Variants in CDYL2 observed in about 807,000 individuals in gnomAD.
CDYL2 encodes the protein chromodomain Y like 2, also known as chromodomain Y-like protein 2.
CDYL2 carries 23 observed loss-of-function variants against 49.4 expected under a neutral mutation model. That is an observed-to-expected ratio of 0.47 (90% CI 0.34 to 0.66). CDYL2 has a LOEUF of 0.66. Among genes scored for constraint, CDYL2 ranks in the 30% least tolerant of loss-of-function variants. The pLI, the probability that CDYL2 is intolerant of heterozygous loss-of-function variation, is 0.01. For missense variants in CDYL2, 678 were observed against 656.4 expected (o/e 1.03, Z -0.36); for synonymous variants, 360 against 268.8 (o/e 1.34, Z -3.32).
At chr16:80,791,457 G>C (rs776756168) in intron 1 of CDYL2, among the ~76,000 whole-genome samples, 1 of 152,218 alleles carries the variant, frequency 6.6e-6, no homozygotes, top group African/African-American at 2.4e-5. Flanking sequence ...GTAAGTGGGA[G>C]ATTTAGAAAA....
At chr16:80,622,042 T>C (rs1276225291) in intron 3 of CDYL2, among the ~76,000 whole-genome samples, 2 of 152,144 alleles carry the variant, frequency 1.3e-5, no homozygotes, top group South Asian at 2.1e-4. Context: ...GTAACACTAG[T>C]CCAAGGCCAC....
chr16:80,720,305 T>A (rs1451758007), intron 1 of CDYL2, among the ~76,000 whole-genome samples: 2 of 152,082 alleles, frequency 1.3e-5, no homozygotes, highest in African/African-American at 2.4e-5. Flanking sequence ...TGCCAGAACA[T>A]CAAGGAAGCA....
chr16:80,731,833 G>C (rs1229127108), intron 1 of CDYL2, among the ~76,000 whole-genome samples: 1 of 151,960 alleles, frequency 6.6e-6, no homozygotes, highest in Non-Finnish European at 1.5e-5. Context: ...ATCTACTTGA[G>C]GATGTGCTCC....
chr16:80,662,752 G>A, intron 2 of CDYL2: 1 of 455,776 alleles, frequency 2.2e-6, no homozygotes, highest in Non-Finnish European at 4.4e-6. Context: ...AACCACCTGT[G>A]GCTGATGGCT....
At chr16:80,651,917 G>C (rs1908600455) in intron 2 of CDYL2, among the ~76,000 whole-genome samples, 1 of 152,218 alleles carries the variant, frequency 6.6e-6, no homozygotes, top group African/African-American at 2.4e-5. Flanking sequence ...TTCACTGTGG[G>C]AGTTGGAGTT....
At chr16:80,721,051 C>T (rs1435600775) in intron 1 of CDYL2, among the ~76,000 whole-genome samples, 2 of 152,090 alleles carry the variant, frequency 1.3e-5, no homozygotes, top group African/African-American at 4.8e-5. Flanking sequence ...TCCGCCAAGA[C>T]CCCAGGAAAA....
At chr16:80,764,916 C>T (rs937023563) in intron 1 of CDYL2, among the ~76,000 whole-genome samples, 5 of 151,152 alleles carry the variant, frequency 3.3e-5, no homozygotes, top group Non-Finnish European at 5.9e-5. Context: ...AAAAATTAGC[C>T]GGGTGCAGTG....
chr16:80,680,785 T>C (rs147852561), intron 2 of CDYL2, among the ~76,000 whole-genome samples: 63 of 152,292 alleles, frequency 4.1e-4, no homozygotes, highest in African/African-American at 1.5e-3. Context: ...ACACATCTGC[T>C]GGAGCTCCTG....
intron 1 of CDYL2, among the ~76,000 whole-genome samples, chr16:80,789,658 A>C (rs1230704921): frequency 6.6e-6 from 1 of 152,220 alleles, no homozygotes; most frequent in South Asian, 2.1e-4. Flanking sequence ...GAGCAAAGTC[A>C]TGAAACCAAT....
At chr16:80,772,872 T>G (rs1301508650) in intron 1 of CDYL2, among the ~76,000 whole-genome samples, 1 of 152,008 alleles carries the variant, frequency 6.6e-6, no homozygotes, top group Non-Finnish European at 1.5e-5. Context: ...CAATAAAAAG[T>G]AAGGCATGAA....
At chr16:80,768,154 T>C (rs1906787923) in intron 1 of CDYL2, among the ~76,000 whole-genome samples, 1 of 152,164 alleles carries the variant, frequency 6.6e-6, no homozygotes, top group Middle Eastern at 3.2e-3. Flanking sequence ...ACAGCCCATG[T>C]TCTTAGTAAG....
chr16:80,757,259 T>C (rs561667084), intron 1 of CDYL2, among the ~76,000 whole-genome samples: 1 of 152,154 alleles, frequency 6.6e-6, no homozygotes, highest in African/African-American at 2.4e-5. Flanking sequence ...CAATAACCAA[T>C]AGTTTACCCT....
intron 5 of CDYL2, among the ~76,000 whole-genome samples, chr16:80,609,528 T>C (rs754362548): frequency 5.3e-5 from 8 of 152,304 alleles, no homozygotes; most frequent in Admixed American, 3.3e-4. Context: ...GGTTCAAGAT[T>C]TGAACACAAA....
chr16:80,720,434 T>C (rs1904959637), intron 1 of CDYL2, among the ~76,000 whole-genome samples: 2 of 152,234 alleles, frequency 1.3e-5, no homozygotes, highest in South Asian at 2.1e-4. Flanking sequence ...CAACCTATTC[T>C]CACAAATGCC....
chr16:80,788,104 CA>C, intron 1 of CDYL2, among the ~76,000 whole-genome samples: 1 of 152,158 alleles, frequency 6.6e-6, no homozygotes, highest in Admixed American at 6.5e-5. Context: ...GGAAAAAAAG[CA>C]CATGAAAAAA....
At position 80,682,290 on chromosome 16, in the gene CDYL2, G is replaced by T. The variant is rs1289219971; in HGVS notation, c.616+2248C>A. 2.6e-5 allele frequency among the ~76,000 whole-genome samples: 4 copies of T among 152,306 alleles called. No homozygotes were observed. The East Asian group carries it at 5.8e-4, about 22-fold the overall frequency. ...AGAACACACAACGTCAGGCAAATAT[G>T]AGGAAGATAAGAGATCAGAGAGACA... On this transcript the variant is annotated intron_variant, in intron 2 of 6. Transcript: ENST00000570137.
chr16:80,633,093 C>A lies in CDYL2; in HGVS notation c.760G>T (p.Val254Leu), dbSNP rs1907643843. The A allele has an allele frequency of 1.2e-6, 2 of 1,614,060 alleles. No homozygotes were observed. The highest frequency in any genetic ancestry group is 2.7e-5 in the African/African-American group (2 of 74,918). ...ESNCRFRDIVVRKEEGFTHIL... is the reference protein window; with the variant it reads ...ESNCRFRDIVLRKEEGFTHIL... ...TGCGTGAACCCTTCTTCCTTCCGCA[C>A]AACGATGTCTCGAAACCGACAGTTG... The change falls in exon 3 of 7, where the codon GTG becomes TTG. Residue 254 changes from valine to leucine, a missense_variant. Val to Leu is a conservative substitution (Grantham distance 32). Around this residue, in one of 3 missense-constraint regions of CDYL2, gnomAD observed 478 missense variants for 427.0 expected, o/e 1.12. Transcript: ENST00000570137.
chr16:80,713,004 C>T (rs1353375672), intron 1 of CDYL2, among the ~76,000 whole-genome samples: 1 of 152,110 alleles, frequency 6.6e-6, no homozygotes, highest in African/African-American at 2.4e-5. Flanking sequence ...CACTCCAGGT[C>T]CAGGTTGTGG....
intron 2 of CDYL2, among the ~76,000 whole-genome samples, chr16:80,659,623 T>A (rs959021066): frequency 2.5e-4 from 38 of 150,968 alleles, no homozygotes; most frequent in African/African-American, 9.3e-4. Context: ...TATGTGTGTC[T>A]ATATACATAT....
Sources: gnomAD v4.1 joint callset for allele counts (sites outside exome capture counted in the v4.1 genomes callset) on GRCh38, gnomAD v4.1.1 for gene constraint, gnomAD v4.1.1 regional missense constraint, MANE v1.5 for transcripts, NCBI Gene and HGNC (gene_info 2026-07-23, HGNC 2026-07-21) for gene names.